STRADA: variants seen among roughly 807,000 people sequenced by gnomAD.
The protein encoded by STRADA is STE20 related adaptor alpha.
In STRADA, 26 loss-of-function variants were observed where a neutral mutation model predicts 55.0. That is an observed-to-expected ratio of 0.47 (90% CI 0.35 to 0.66). The LOEUF (loss-of-function observed/expected upper bound fraction) is 0.66. Among genes scored for constraint, STRADA ranks in the 30% least tolerant of loss-of-function variants. The pLI, the probability that STRADA is intolerant of heterozygous loss-of-function variation, is 0.01. For synonymous variants in STRADA, 197 were observed against 210.9 expected (o/e 0.93, Z 0.57); for missense variants, 443 against 549.7 (o/e 0.81, Z 1.94).
At chr17:63,707,218 G>A in intron 9 of STRADA, 29 bp downstream of exon 9, 1 of 1,611,496 alleles carries the variant, frequency 6.2e-7, no homozygotes, top group Non-Finnish European at 8.5e-7. Context: ...GAGTTGGGTA[G>A]GGGAGCTCCT....
At chr17:63,733,417 A>G (rs532915895) in intron 1 of STRADA, among the ~76,000 whole-genome samples, 2 of 147,470 alleles carry the variant, frequency 1.4e-5, no homozygotes, top group South Asian at 2.1e-4. Flanking sequence ...TCTTCCTTTT[A>G]TCTTTGCTTT....
chr17:63,737,497 A>T (rs574852453), intron 1 of STRADA: 117 of 143,164 alleles, frequency 8.2e-4, no homozygotes, highest in African/African-American at 3.5e-3. Flanking sequence ...ATGCCTTCAA[A>T]TTTGATAATA....
intron 1 of STRADA, chr17:63,737,271 A>G (rs2144323324): frequency 7.5e-6 from 1 of 132,750 alleles, no homozygotes; most frequent in African/African-American, 2.6e-5. Context: ...AAAAAAAAAA[A>G]AAAAAATTGA....
intron 4 of STRADA, among the ~76,000 whole-genome samples, chr17:63,714,937 G>C: frequency 6.6e-6 from 1 of 152,146 alleles, no homozygotes; most frequent in East Asian, 1.9e-4. Flanking sequence ...TATGATTTAG[G>C]GACTGTGACT....
intron 8 of STRADA, among the ~76,000 whole-genome samples, chr17:63,709,324 T>G (rs2036333671): frequency 6.6e-6 from 1 of 152,216 alleles, no homozygotes; most frequent in Non-Finnish European, 1.5e-5. Context: ...GACATCTTGT[T>G]TTTCATTTGC....
chr17:63,723,964 A>G (rs1307179426), intron 3 of STRADA: 1 of 152,206 alleles, frequency 6.6e-6, no homozygotes, highest in East Asian at 1.9e-4. Flanking sequence ...TGTGCTTTTG[A>G]CCTTCTCTAT....
chr17:63,730,177 A>C (rs1046965761), intron 1 of STRADA, among the ~76,000 whole-genome samples: 10 of 152,120 alleles, frequency 6.6e-5, no homozygotes, highest in Non-Finnish European at 1.5e-4. Flanking sequence ...TCCTAGAGTT[A>C]ATAACTGCCT....
rs141133305 is a variant in STRADA, at chr17:63,715,103, C to T, written c.124-995G>A. Reference sequence around the variant, plus strand: ...GAGAGGCTCCTGACCCAGCACTACCCAGAAGAGCACGAGCTGAGAGTGTTC... The same window carrying T: ...GAGAGGCTCCTGACCCAGCACTACCTAGAAGAGCACGAGCTGAGAGTGTTC... On this transcript the variant is annotated intron_variant, in intron 4 of 12. Transcript: ENST00000336174. The T allele has an allele frequency of 6.6e-5, 10 of 152,300 alleles. No individual in the cohort carries two copies. In the East Asian group the frequency reaches 1.9e-3, roughly 29 times the overall value. The allele number at this position is 152,300 out of a possible 1,614,324, so 9.4% of individuals were successfully genotyped here. A position where few individuals can be genotyped will look rare whatever the true frequency, so the allele number is the denominator to read the frequency against.
intron 10 of STRADA, chr17:63,705,105 A>G (rs2035996503): frequency 4.8e-6 from 3 of 623,060 alleles, no homozygotes; most frequent in Non-Finnish European, 8.6e-6. Flanking sequence ...AACTCAACAC[A>G]TATAAAACCA....
Position 63,707,319 on chromosome 17 carries a change from C to G in STRADA, c.681G>C (p.Gln227His), listed in dbSNP as rs1293431553. The G allele has an allele frequency of 1.2e-6, 2 of 1,614,114 alleles. No homozygotes were observed. The highest frequency in any genetic ancestry group is 1.7e-6 in the Non-Finnish European group (2 of 1,180,056). The change falls in exon 9 of 13, where the codon CAG becomes CAC. Residue 227 changes from glutamine (Q) to histidine (H), a missense_variant. Coordinates refer to ENST00000336174, the MANE Select transcript of STRADA (RefSeq NM_001003787.4). ...ACTTGGGAAAATCGTGGACCACTCGCTGCCGCTGCCCATGGCTTATCATGC... is the reference window on the plus strand; with the variant it reads ...ACTTGGGAAAATCGTGGACCACTCGGTGCCGCTGCCCATGGCTTATCATGC... ...NLSMISHGQR[Q>H]RVVHDFPKYS...
intron 2 of STRADA, chr17:63,727,821 C>T (rs1275835528): frequency 6.6e-6 from 1 of 152,040 alleles, no homozygotes; most frequent in African/African-American, 2.4e-5. Flanking sequence ...AAATAAGAAA[C>T]TCATGAAATA....
In STRADA at chr17:63,706,676, C is replaced by A; in HGVS notation, c.817G>T (p.Ala273Ser). Residue 273 changes from alanine (A) to serine (S), a missense_variant, in exon 10 of 13, where the codon GCC (alanine) becomes TCC (serine). Physicochemically the swap from Ala to Ser is moderately conservative, Grantham distance 99 (BLOSUM62 1). Transcript: ENST00000336174. ...TCCTTAAAGGGGACATGGCCGTTGG[C>A]CAGTTCACAGGCTGTGATTCCCACA... The part of the protein sequence containing the change: ...YSVGITACEL[A>S]NGHVPFKDMP... The A allele has an allele frequency of 6.2e-7, 1 of 1,614,004 alleles. No homozygotes were observed. The highest frequency in any genetic ancestry group is 8.5e-7 in the Non-Finnish European group (1 of 1,179,908).
chr17:63,710,030 C>CTT (rs1377966054), intron 8 of STRADA, among the ~76,000 whole-genome samples: 2 of 148,626 alleles, frequency 1.3e-5, no homozygotes, highest in African/African-American at 5.1e-5. Context: ...AGATCCTTCT[C>CTT]TCTTTTTTTT....
chr17:63,710,550 G>A lies in STRADA; in HGVS notation c.522C>T (p.Tyr174=), dbSNP rs771266059. The change falls in exon 8 of 13, where the codon TAC becomes TAT. Residue 174 remains tyrosine (Y), a synonymous_variant. Transcript: ENST00000336174. ...MDGMNELAIA[Y]ILQGVLKALD... The stretch of plus-strand genomic sequence containing the variant: ...GGGCCTTCAGCACCCCCTGCAGGAT[G>A]TAAGCAATCGCCAGCTCATTCATGC... 1.1e-5 allele frequency: 18 copies of A among 1,613,900 alleles called. No individual in the cohort carries two copies. Among genetic ancestry groups the A allele is most frequent in the African/African-American group, 1.3e-5 (1 of 74,912 alleles).
At chr17:63,716,088 G>A (rs895056530) in intron 4 of STRADA, among the ~76,000 whole-genome samples, 4 of 149,878 alleles carry the variant, frequency 2.7e-5, no homozygotes, top group African/African-American at 7.4e-5. Flanking sequence ...CACCAGCAAC[G>A]TACGTGGTTT....
At chr17:63,728,735 TAAAAAAAAAAA>T (rs36091754) in intron 1 of STRADA, among the ~76,000 whole-genome samples, 1,991 of 112,440 alleles carry the variant, frequency 0.018, 24 homozygotes, top group Middle Eastern at 0.028. Flanking sequence ...CCCATCTCTA[TAAAAAAAAAAA>T]AAAAAAAAAA....
intron 6 of STRADA, among the ~76,000 whole-genome samples, chr17:63,711,593 T>C (rs1378145651): frequency 1.3e-5 from 2 of 151,956 alleles, no homozygotes; most frequent in East Asian, 2.0e-4. Flanking sequence ...AGTGCTGGGA[T>C]TGCAGGCGTG....
chr17:63,720,589 A>G (rs1344032640), intron 4 of STRADA, among the ~76,000 whole-genome samples: 1 of 151,672 alleles, frequency 6.6e-6, no homozygotes, highest in Admixed American at 6.6e-5. Flanking sequence ...CCTGGCCAAC[A>G]CAGTGAAACC....
chr17:63,729,180 G>A (rs1294605841), intron 1 of STRADA, among the ~76,000 whole-genome samples: 1 of 152,138 alleles, frequency 6.6e-6, no homozygotes, highest in Non-Finnish European at 1.5e-5. Context: ...ACCATGCACA[G>A]TGTTATCCTG....
Sources: allele counts gnomAD v4.1 joint callset (sites outside exome capture counted in the v4.1 genomes callset), GRCh38; gene constraint gnomAD v4.1.1; transcripts MANE v1.5; gene names NCBI Gene and HGNC (gene_info 2026-07-23, HGNC 2026-07-21).